The following CLSTN2 variants were observed in gnomAD, a reference collection of about 807,000 sequenced individuals.
CLSTN2 encodes the protein calsyntenin 2.
In CLSTN2, 48 loss-of-function variants were observed where a neutral mutation model predicts 101.2. The observed-to-expected ratio is 0.47, with a 90% CI of 0.38 to 0.60. The LOEUF is 0.60. Among genes scored for constraint, CLSTN2 ranks in the 20% least tolerant of loss-of-function variants. CLSTN2 has a pLI of 0.00. For missense variants in CLSTN2, 1,160 were observed against 1,238.2 expected (o/e 0.94, Z 0.95); for synonymous variants, 481 against 463.6 (o/e 1.04, Z -0.48).
intron 1 of CLSTN2, among the ~76,000 whole-genome samples, chr3:140,070,353 C>T (rs896394589): frequency 2.0e-5 from 3 of 152,210 alleles, no homozygotes; most frequent in Admixed American, 6.5e-5. Context: ...CCATCAACCT[C>T]ATGGAGGTCT....
intron 2 of CLSTN2, among the ~76,000 whole-genome samples, chr3:140,270,300 C>G (rs1293120774): frequency 6.6e-6 from 1 of 152,186 alleles, no homozygotes; most frequent in Non-Finnish European, 1.5e-5. Flanking sequence ...GGTGGACTCA[C>G]ACCCATATGC....
Position 140,373,597 on chromosome 3 carries a change from G to A in CLSTN2, c.233-30032G>A, listed in dbSNP as rs114442970. 7.5e-3 allele frequency among the ~76,000 whole-genome samples: 1,144 copies of A among 152,286 alleles called. 11 individuals are homozygous for A. Among genetic ancestry groups the A allele is most frequent in the African/African-American group, 0.024 (1,017 of 41,550 alleles). ...GCTGCCCATCCAGAGTGCAGAGACC[G>A]TCTTTAAGAGAAAGAGCTCTCTAAG... On this transcript the variant is annotated intron_variant, in intron 2 of 16. Coordinates refer to ENST00000458420, the MANE Select transcript of CLSTN2 (RefSeq NM_022131.3).
At chr3:140,296,861 G>A (rs2087010199) in intron 2 of CLSTN2, among the ~76,000 whole-genome samples, 1 of 152,190 alleles carries the variant, frequency 6.6e-6, no homozygotes, top group Non-Finnish European at 1.5e-5. Context: ...TTAATTTACA[G>A]ATTGAGAACC....
intron 1 of CLSTN2, among the ~76,000 whole-genome samples, chr3:139,966,922 C>G (rs1480882964): frequency 1.3e-5 from 2 of 152,162 alleles, no homozygotes; most frequent in Non-Finnish European, 2.9e-5. Context: ...GATCATCACT[C>G]TATCGTGCTG....
intron 2 of CLSTN2, among the ~76,000 whole-genome samples, chr3:140,397,850 C>T (rs2088201295): frequency 6.6e-6 from 1 of 152,204 alleles, no homozygotes; most frequent in South Asian, 2.1e-4. Flanking sequence ...GACTGTGTGA[C>T]ATTATGCATT....
At chr3:140,386,989 C>G (rs1264606675) in intron 2 of CLSTN2, among the ~76,000 whole-genome samples, 1 of 152,190 alleles carries the variant, frequency 6.6e-6, no homozygotes, top group Non-Finnish European at 1.5e-5. Flanking sequence ...CAGTGCTTCT[C>G]CTAAACTTAC....
intron 8 of CLSTN2, among the ~76,000 whole-genome samples, chr3:140,486,078 G>C (rs556110677): frequency 6.6e-6 from 1 of 151,692 alleles, no homozygotes; most frequent in Non-Finnish European, 1.5e-5. Flanking sequence ...CTATTTGGCC[G>C]TCTTGGCTCC....
At chr3:140,447,989 C>A (rs1332015259) in intron 5 of CLSTN2, among the ~76,000 whole-genome samples, 2 of 152,098 alleles carry the variant, frequency 1.3e-5, no homozygotes, top group Admixed American at 1.3e-4. Context: ...ATATAACAAA[C>A]CTGCACATGT....
At chr3:140,427,207 GTATATATATATATATA>G (rs1301184422) in intron 5 of CLSTN2, among the ~76,000 whole-genome samples, 3 of 84,972 alleles carry the variant, frequency 3.5e-5, no homozygotes, top group African/African-American at 2.2e-4. Flanking sequence ...ATATATATGT[GTATATATATATATATA>G]TGTGTGTATA....
intron 5 of CLSTN2, among the ~76,000 whole-genome samples, chr3:140,423,714 C>G (rs1159022815): frequency 6.6e-6 from 1 of 152,138 alleles, no homozygotes; most frequent in East Asian, 1.9e-4. Flanking sequence ...CCAGACATGT[C>G]ACAGTACCAG....
chr3:140,051,742 A>G (rs958960165), intron 1 of CLSTN2, among the ~76,000 whole-genome samples: 1 of 152,172 alleles, frequency 6.6e-6, no homozygotes, highest in Non-Finnish European at 1.5e-5. Context: ...TGGTGGTGTC[A>G]TTGGTCTGGA....
At chr3:140,482,533 G>T (rs940042986) in intron 8 of CLSTN2, among the ~76,000 whole-genome samples, 1 of 152,148 alleles carries the variant, frequency 6.6e-6, no homozygotes, top group Non-Finnish European at 1.5e-5. Context: ...GCTCCTCCTT[G>T]TACCTCTGGT....
At chr3:140,222,874 G>GGA (rs375172985) in intron 2 of CLSTN2, among the ~76,000 whole-genome samples, 3 of 143,204 alleles carry the variant, frequency 2.1e-5, no homozygotes, top group Admixed American at 7.0e-5. Flanking sequence ...AAAATTTTAA[G>GGA]AAAAAAAAAA....
intron 5 of CLSTN2, among the ~76,000 whole-genome samples, chr3:140,438,466 T>C (rs1012440017): frequency 9.1e-6 from 1 of 110,418 alleles, no homozygotes; most frequent in Non-Finnish European, 1.7e-5. Context: ...TTTGAAGCTG[T>C]GTGCAATTGA....
chr3:140,413,930 C>G (rs2088396138), intron 4 of CLSTN2, among the ~76,000 whole-genome samples: 1 of 152,100 alleles, frequency 6.6e-6, no homozygotes, highest in South Asian at 2.1e-4. Context: ...TACAAGGCCA[C>G]AGCAAACATC....
At chr3:139,972,322 C>T (rs1257929233) in intron 1 of CLSTN2, among the ~76,000 whole-genome samples, 1 of 152,008 alleles carries the variant, frequency 6.6e-6, no homozygotes, top group Admixed American at 6.6e-5. Context: ...TTAGTGGGTC[C>T]TCCTTTACTC....
At chr3:140,427,244 T>TATATATATATATATACAC (rs371684488) in intron 5 of CLSTN2, among the ~76,000 whole-genome samples, 3 of 127,566 alleles carry the variant, frequency 2.4e-5, no homozygotes, top group Non-Finnish European at 4.6e-5. Flanking sequence ...TATATATATA[T>TATATATATATATATACAC]ACATATATAT....
intron 6 of CLSTN2, chr3:140,449,913 G>C (rs1240433171): frequency 6.6e-6 from 1 of 152,330 alleles, no homozygotes; most frequent in Non-Finnish European, 1.5e-5. Context: ...TTGGGGTGAG[G>C]GTGACGGTAG....
chr3:140,166,528 C>G (rs967024047), intron 1 of CLSTN2, among the ~76,000 whole-genome samples: 10 of 152,174 alleles, frequency 6.6e-5, no homozygotes, highest in African/African-American at 2.4e-4. Context: ...GAAACGTCAT[C>G]TTTAGGTAAA....
Sources: allele counts gnomAD v4.1 joint callset (sites outside exome capture counted in the v4.1 genomes callset), GRCh38; gene constraint gnomAD v4.1.1; transcripts MANE v1.5; gene names NCBI Gene and HGNC (gene_info 2026-07-23, HGNC 2026-07-21).